The following PTPRD variants were observed in gnomAD, a reference collection of about 807,000 sequenced individuals.
PTPRD encodes receptor-type tyrosine-protein phosphatase delta.
A neutral mutation model predicts 214.5 loss-of-function variants in PTPRD; 34 were observed. The ratio of observed to expected loss-of-function variants is 0.16; its 90% CI spans 0.12 to 0.21. The LOEUF (loss-of-function observed/expected upper bound fraction) is 0.21, where lower values mean the gene tolerates loss of function less well. Among genes scored for constraint, PTPRD ranks in the 10% least tolerant of loss-of-function variants. The probability of loss-of-function intolerance (pLI) is 1.00; values close to 1 mark genes in which losing one functional copy is unlikely to be tolerated. For synonymous variants in PTPRD, 1,128 were observed against 845.7 expected (o/e 1.33, Z -5.79); for missense variants, 2,545 against 2,398.7 (o/e 1.06, Z -1.27).
chr9:9,511,198 T>G (rs1198433131), intron 8 of PTPRD, among the ~76,000 whole-genome samples: 1 of 151,782 alleles, frequency 6.6e-6, no homozygotes, highest in Non-Finnish European at 1.5e-5. Context: ...TGAAAAATAT[T>G]TATGACTATG....
chr9:8,588,199 G>A (rs551271648), intron 14 of PTPRD, among the ~76,000 whole-genome samples: 21 of 152,310 alleles, frequency 1.4e-4, no homozygotes, highest in African/African-American at 4.6e-4. Flanking sequence ...TTTTCCTTTG[G>A]AGGGTTCTTG....
At chr9:8,864,099 G>C (rs969733104) in intron 11 of PTPRD, among the ~76,000 whole-genome samples, 1 of 152,184 alleles carries the variant, frequency 6.6e-6, no homozygotes, top group Admixed American at 6.5e-5. Context: ...CAATGGAAAT[G>C]AATCACAGAT....
At chr9:9,836,340 G>A (rs59463961) in intron 5 of PTPRD, among the ~76,000 whole-genome samples, 1 of 152,168 alleles carries the variant, frequency 6.6e-6, no homozygotes, top group Non-Finnish European at 1.5e-5. Context: ...AAGACGATCT[G>A]CTCAGTGGAT....
intron 8 of PTPRD, among the ~76,000 whole-genome samples, chr9:9,509,963 C>T (rs1200150603): frequency 6.6e-6 from 1 of 151,544 alleles, no homozygotes; most frequent in African/African-American, 2.4e-5. Context: ...CCTGATAGTC[C>T]CTAACAAGAG....
chr9:10,287,066 C>A (rs2095380040), intron 3 of PTPRD, among the ~76,000 whole-genome samples: 1 of 151,912 alleles, frequency 6.6e-6, no homozygotes, highest in Non-Finnish European at 1.5e-5. Context: ...AAAACATTGC[C>A]AATAAAAAAG....
chr9:9,927,711 T>C (rs2084838991), intron 5 of PTPRD, among the ~76,000 whole-genome samples: 1 of 152,184 alleles, frequency 6.6e-6, no homozygotes, highest in Non-Finnish European at 1.5e-5. Flanking sequence ...ATTTTTCCCA[T>C]ACATCTAATG....
intron 3 of PTPRD, among the ~76,000 whole-genome samples, chr9:10,116,624 C>A (rs1048141787): frequency 6.6e-6 from 1 of 151,986 alleles, no homozygotes; most frequent in Non-Finnish European, 1.5e-5. Flanking sequence ...TACATTAAAA[C>A]ATTATTTCGA....
chr9:10,415,042 C>T (rs6474544), intron 2 of PTPRD, among the ~76,000 whole-genome samples: 128,331 of 151,622 alleles, frequency 0.85, 54,461 homozygotes, highest in East Asian at 0.87. Flanking sequence ...TTCTGCGACA[C>T]GAGTTTACCT....
intron 14 of PTPRD, among the ~76,000 whole-genome samples, chr9:8,584,952 C>T (rs1247698849): frequency 6.6e-6 from 1 of 152,128 alleles, no homozygotes; most frequent in East Asian, 1.9e-4. Flanking sequence ...CTCATGAGAC[C>T]TCATTCACTA....
chr9:10,494,614 T>C (rs1481691845), intron 2 of PTPRD, among the ~76,000 whole-genome samples: 1 of 150,276 alleles, frequency 6.7e-6, no homozygotes, highest in Non-Finnish European at 1.5e-5. Context: ...GTCTTTTCTC[T>C]CAGTCTGGGG....
At chr9:10,129,339 A>G (rs2098841869) in intron 3 of PTPRD, among the ~76,000 whole-genome samples, 1 of 152,108 alleles carries the variant, frequency 6.6e-6, no homozygotes, top group African/African-American at 2.4e-5. Flanking sequence ...AAATTTGTTT[A>G]GTGTCCTTTT....
At chr9:10,093,140 G>C (rs1371458475) in intron 3 of PTPRD, among the ~76,000 whole-genome samples, 1 of 151,304 alleles carries the variant, frequency 6.6e-6, no homozygotes, top group East Asian at 1.9e-4. Context: ...CACACGAAAA[G>C]AAAAGGAAAA....
chr9:9,307,175 A>C (rs1957397012), intron 9 of PTPRD, among the ~76,000 whole-genome samples: 1 of 152,204 alleles, frequency 6.6e-6, no homozygotes, highest in African/African-American at 2.4e-5. Flanking sequence ...ATGATTGCAA[A>C]CACATGGCAG....
intron 11 of PTPRD, among the ~76,000 whole-genome samples, chr9:8,829,501 T>TA (rs1490628035): frequency 1.6e-5 from 2 of 127,078 alleles, no homozygotes; most frequent in East Asian, 4.0e-4. Context: ...ATTGTGCATT[T>TA]AAAACGTGAC....
chr9:8,626,961 C>T (rs1807989727), intron 14 of PTPRD, among the ~76,000 whole-genome samples: 1 of 151,690 alleles, frequency 6.6e-6, no homozygotes, highest in East Asian at 2.0e-4. Flanking sequence ...TAATACACTG[C>T]ACACACCTAC....
intron 35 of PTPRD, among the ~76,000 whole-genome samples, chr9:8,405,964 C>G (rs920734474): frequency 1.3e-5 from 2 of 152,144 alleles, no homozygotes; most frequent in Non-Finnish European, 2.9e-5. Context: ...TGTTAGTAGT[C>G]TTGAATAGCC....
chr9:10,058,813 A>G (rs572992299), intron 3 of PTPRD, among the ~76,000 whole-genome samples: 5 of 152,086 alleles, frequency 3.3e-5, no homozygotes, highest in East Asian at 1.9e-4. Flanking sequence ...TTTTTTTCCA[A>G]TTTTGGAGTT....
Position 9,995,538 on chromosome 9 carries a change from G to A in PTPRD, c.-472+38180C>T, listed in dbSNP as rs558067389. Among the ~76,000 whole-genome samples, 14 of 152,174 alleles carry A rather than the reference G, an allele frequency of 9.2e-5. No homozygotes were observed. In the East Asian group the frequency reaches 2.5e-3, roughly 27 times the overall value. ...TTCTCCCTTTTCTCCACCCCACTCT[G>A]TATCCTGAGATTGCTGGGCAGTAGC... On this transcript the variant is annotated intron_variant, in intron 4 of 45. Transcript: ENST00000381196.
At chr9:9,712,729 C>A (rs564121198) in intron 7 of PTPRD, among the ~76,000 whole-genome samples, 101 of 152,278 alleles carry the variant, frequency 6.6e-4, no homozygotes, top group African/African-American at 2.3e-3. Context: ...CAGAATAATG[C>A]AGATTTTCTT....
Sources: allele counts gnomAD v4.1 joint callset (sites outside exome capture counted in the v4.1 genomes callset), GRCh38; gene constraint gnomAD v4.1.1; transcripts MANE v1.5; gene names NCBI Gene and HGNC (gene_info 2026-07-23, HGNC 2026-07-21).